Variants in TIMP2 observed in about 807,000 individuals in gnomAD.
TIMP2 encodes the protein metalloproteinase inhibitor 2.
A neutral mutation model predicts 24.3 loss-of-function variants in TIMP2; 5 were observed. The observed-to-expected ratio is 0.21, with a 90% confidence interval of 0.11 to 0.43. The LOEUF (loss-of-function observed/expected upper bound fraction) is 0.43. TIMP2 is among the 20% of genes least tolerant of loss of function. The pLI, the probability that TIMP2 is intolerant of heterozygous loss-of-function variation, is 1.00. For synonymous variants in TIMP2, 130 were observed against 123.2 expected, an observed-to-expected ratio of 1.06 and a Z score of -0.37; for missense variants, 221 against 297.5, an observed-to-expected ratio of 0.74 and a Z score of 1.89.
chr17:78,871,449 C>CAAAAAA (rs749440079), intron 2 of TIMP2, among the ~76,000 whole-genome samples: 55 of 122,468 alleles, frequency 4.5e-4, no homozygotes, highest in Middle Eastern at 4.6e-3. Flanking sequence ...AAGACTCCGT[C>CAAAAAA]AAAAAAAAAA....
rs112369873 is a variant in TIMP2, at chr17:78,866,172, G to A, written c.340+4726C>T. On this transcript the variant is annotated intron_variant, in intron 3 of 4. Transcript: ENST00000262768. The stretch of plus-strand genomic sequence containing the variant: ...CTGAAAAGGAGACACAGCAGATGCT[G>A]ACACGCTGGGAAATTTCCTCCCGTG... 9.4e-3 allele frequency among the ~76,000 whole-genome samples: 1,432 copies of A among 152,314 alleles called. 14 individuals are homozygous for A. Among genetic ancestry groups the A allele is most frequent in the African/African-American group, 0.033 (1,355 of 41,556 alleles).
At chr17:78,890,774 G>C (rs2069876701) in intron 1 of TIMP2, 1 of 1,550,536 alleles carries the variant, frequency 6.4e-7, no homozygotes, top group Non-Finnish European at 8.7e-7. Flanking sequence ...GGCGAGGCTG[G>C]TGCCCGATGG....
chr17:78,903,565 G>A (rs1304381037), intron 1 of TIMP2, among the ~76,000 whole-genome samples: 2 of 152,168 alleles, frequency 1.3e-5, no homozygotes, highest in African/African-American at 2.4e-5. Flanking sequence ...CCCTTCTCCT[G>A]TAGGGACAGC....
In TIMP2 at chr17:78,896,797, G is replaced by A. The variant is rs2070008226; in HGVS notation, c.131-22878C>T. ...CCTCCCACAGAGCGGAGTGGACACT[G>A]GGCCCATTCTCCTCTCTTGCTCTCT... On this transcript the variant is annotated intron_variant, in intron 1 of 4. Coordinates refer to ENST00000262768, the MANE Select transcript of TIMP2 (RefSeq NM_003255.5). This position sits in a 1 kb window ranked among gnomAD's most constrained non-coding sequence, Gnocchi z 4.4. The A allele has an allele frequency of 2.3e-6, 1 of 427,492 alleles. No homozygotes were observed. Among genetic ancestry groups the A allele is most frequent in the African/African-American group, 2.2e-5 (1 of 46,168 alleles). The allele number at this position is 427,492 out of a possible 1,614,324, so 26.5% of individuals were successfully genotyped here.
At chr17:78,892,201 C>T (rs2069910106) in intron 1 of TIMP2, 1 of 1,550,946 alleles carries the variant, frequency 6.4e-7, no homozygotes, top group East Asian at 2.4e-5. Context: ...AGTTTTTCCA[C>T]AGCTTGGCAT....
chr17:78,918,796 C>T (rs2070285196), intron 1 of TIMP2, among the ~76,000 whole-genome samples: 1 of 151,976 alleles, frequency 6.6e-6, no homozygotes, highest in Non-Finnish European at 1.5e-5. Context: ...CTCAGGAGTT[C>T]GAGACCAGCC....
intron 3 of TIMP2, among the ~76,000 whole-genome samples, chr17:78,860,804 G>C (rs1198681723): frequency 6.6e-6 from 1 of 152,114 alleles, no homozygotes; most frequent in African/African-American, 2.4e-5. Flanking sequence ...AGGAGGCCAG[G>C]GTGGGCAGAT....
At chr17:78,869,989 G>A (rs66964741) in intron 3 of TIMP2, among the ~76,000 whole-genome samples, 1 of 666 alleles carries the variant, frequency 1.5e-3, no homozygotes, top group African/African-American at 7.2e-3. Context: ...ATGGAGGTGG[G>A]CCAAGGCTGA....
rs930018559 is a variant in TIMP2 at position 78,858,696 on chromosome 17, A to AT, written c.341-1051dup. Reference sequence around the variant, plus strand: ...CCACTACACCCTGCTAATTTTTTATATTTTTTTTTGTAGAAACAGGGTCTT... The same window carrying AT: ...CCACTACACCCTGCTAATTTTTTATATTTTTTTTTTGTAGAAACAGGGTCTT... On this transcript the variant is annotated intron_variant, in intron 3 of 4. Transcript: ENST00000262768. 2.8e-4 allele frequency among the ~76,000 whole-genome samples: 43 copies of AT among 150,948 alleles called. 4 individuals carry two copies. Among genetic ancestry groups the AT allele is most frequent in the African/African-American group, 4.1e-4 (17 of 41,208 alleles).
At position 78,854,664 on chromosome 17, in the gene TIMP2, A is replaced by G. The variant is rs1272069516; in HGVS notation, c.*1003T>C. The G allele has an allele frequency of 1.3e-5, 2 of 152,016 alleles. No homozygotes were observed. The highest frequency in any genetic ancestry group is 3.9e-4 in the East Asian group (2 of 5,164). 9.4% of individuals were successfully genotyped at this position (152,016 alleles called of 1,614,324 possible). On this transcript the variant is annotated 3_prime_UTR_variant, in exon 5 of 5. Transcript: ENST00000262768. Reference sequence around the variant, plus strand: ...TCAGTCTTTGAGGGAGGGAACACTAAGCCTGGGAGGGCACAGCAAGACCCA... The same window carrying G: ...TCAGTCTTTGAGGGAGGGAACACTAGGCCTGGGAGGGCACAGCAAGACCCA...
intron 2 of TIMP2, among the ~76,000 whole-genome samples, chr17:78,872,016 T>A (rs1315066203): frequency 2.0e-5 from 3 of 151,816 alleles, no homozygotes; most frequent in East Asian, 1.9e-4. Context: ...TTTCCAGGAA[T>A]TTTTTATTTT....
intron 1 of TIMP2, among the ~76,000 whole-genome samples, chr17:78,917,009 G>T (rs2070264690): frequency 6.6e-6 from 1 of 152,210 alleles, no homozygotes; most frequent in African/African-American, 2.4e-5. Flanking sequence ...GCATTCCTGC[G>T]CTCACTTCCT....
At position 78,854,195 on chromosome 17, in the gene TIMP2, CGTGT is replaced by C; in HGVS notation, c.*1468_*1471del. On this transcript the variant is annotated 3_prime_UTR_variant, in exon 5 of 5. Coordinates refer to ENST00000262768, the MANE Select transcript of TIMP2 (RefSeq NM_003255.5). ...AGGCCGCCAAGCTTCGGTTTCATTG[CGTGT>C]GTATGTTTACATAATGTGCCTGTAT... 6.6e-6 allele frequency: 1 copy of C among 152,012 alleles called. No individual in the cohort carries two copies. The highest frequency in any genetic ancestry group is 2.1e-4 in the South Asian group (1 of 4,808). 9.4% of individuals were successfully genotyped at this position (152,012 alleles called of 1,614,324 possible). A position where few individuals can be genotyped will look rare whatever the true frequency, so the allele number is the denominator to read the frequency against.
intron 1 of TIMP2, among the ~76,000 whole-genome samples, chr17:78,887,605 G>C (rs1020385544): frequency 3.3e-5 from 5 of 151,886 alleles, no homozygotes; most frequent in African/African-American, 1.2e-4. Context: ...GGCTGGCCTC[G>C]AACTCATGAC....
intron 1 of TIMP2, among the ~76,000 whole-genome samples, chr17:78,878,726 G>A (rs987083546): frequency 1.3e-5 from 2 of 151,994 alleles, no homozygotes; most frequent in African/African-American, 4.8e-5. Flanking sequence ...CAGGGAAGTG[G>A]GGGTGAGGGG....
At chr17:78,863,617 A>G (rs1450736993) in intron 3 of TIMP2, among the ~76,000 whole-genome samples, 1 of 152,220 alleles carries the variant, frequency 6.6e-6, no homozygotes, top group East Asian at 1.9e-4. Flanking sequence ...CCACAGGTCC[A>G]GGGAGCAATG....
chr17:78,871,049 C>T, intron 2 of TIMP2, 43 bp from the exon 3 acceptor site: 2 of 1,546,926 alleles, frequency 1.3e-6, no homozygotes, highest in East Asian at 2.3e-5. Context: ...AGGGAGGCCA[C>T]ACAGTTGGTG....
intron 3 of TIMP2, among the ~76,000 whole-genome samples, chr17:78,865,707 G>A (rs187261621): frequency 6.6e-6 from 1 of 151,028 alleles, no homozygotes; most frequent in Non-Finnish European, 1.5e-5. Context: ...CAGGAGAACT[G>A]CTTGAACCCG....
chr17:78,913,856 C>A (rs1339825843), intron 1 of TIMP2, among the ~76,000 whole-genome samples: 3 of 141,038 alleles, frequency 2.1e-5, no homozygotes, highest in Non-Finnish European at 4.5e-5. Flanking sequence ...TGCACCACTG[C>A]ACTCCAGCCT....
Sources: gnomAD v4.1 joint callset for allele counts (sites outside exome capture counted in the v4.1 genomes callset) on GRCh38, gnomAD v4.1.1 for gene constraint, Gnocchi (gnomAD v3.1) non-coding constraint, MANE v1.5 for transcripts, NCBI Gene and HGNC (gene_info 2026-07-23, HGNC 2026-07-21) for gene names.